PTPN14: variants seen among roughly 807,000 people sequenced by gnomAD.
The protein encoded by PTPN14 is protein tyrosine phosphatase non-receptor type 14.
In PTPN14, 53 loss-of-function variants were observed where a neutral mutation model predicts 126.8. The ratio of observed to expected loss-of-function variants is 0.42; its 90% CI spans 0.34 to 0.53. The LOEUF is 0.53. Ranked by LOEUF, PTPN14 falls within the 20% of genes least tolerant of loss-of-function variation. The pLI, the probability that PTPN14 is intolerant of heterozygous loss-of-function variation, is 0.08. For missense variants in PTPN14, 1,257 were observed against 1,552.9 expected (o/e 0.81, Z 3.20); for synonymous variants, 630 against 599.3 (o/e 1.05, Z -0.75).
chr1:214,390,352 C>T (rs1658720135), intron 11 of PTPN14, among the ~76,000 whole-genome samples: 1 of 152,192 alleles, frequency 6.6e-6, no homozygotes, highest in Non-Finnish European at 1.5e-5. Context: ...TCCTTATTCA[C>T]ATGATGAGGA....
chr1:214,382,390 T>A (rs978726651), intron 13 of PTPN14, among the ~76,000 whole-genome samples: 1 of 152,220 alleles, frequency 6.6e-6, no homozygotes, highest in African/African-American at 2.4e-5. Context: ...GGCAAAATCA[T>A]AGGTCACTAA....
At chr1:214,411,213 GT>G (rs1433381800) in intron 5 of PTPN14, among the ~76,000 whole-genome samples, 2 of 151,748 alleles carry the variant, frequency 1.3e-5, no homozygotes, top group Admixed American at 1.3e-4. Flanking sequence ...AAATGGGATT[GT>G]TTTCTGCCAA....
intron 1 of PTPN14, chr1:214,529,570 C>A (rs903801888): frequency 1.3e-5 from 2 of 152,190 alleles, no homozygotes; most frequent in Non-Finnish European, 2.9e-5. Flanking sequence ...TTATAAACAA[C>A]CTCTAACAAC....
intron 1 of PTPN14, among the ~76,000 whole-genome samples, chr1:214,523,847 A>ATTTTTT (rs1409694203): frequency 7.8e-6 from 1 of 128,252 alleles, no homozygotes; most frequent in East Asian, 2.7e-4. Context: ...GAGTAATCAG[A>ATTTTTT]TTCTTTTTTT....
chr1:214,473,184 G>A (rs748516386), intron 1 of PTPN14, among the ~76,000 whole-genome samples: 7 of 152,140 alleles, frequency 4.6e-5, no homozygotes, highest in Non-Finnish European at 1.0e-4. Context: ...AGCAAAGAAA[G>A]ACAGCTTTCT....
chr1:214,500,496 C>T (rs947115485), intron 1 of PTPN14, among the ~76,000 whole-genome samples: 3 of 152,174 alleles, frequency 2.0e-5, no homozygotes, highest in African/African-American at 7.2e-5. Flanking sequence ...CACCCTCCTC[C>T]TTCAACTTGG....
rs1224546316 is a variant in PTPN14 at position 214,387,511 on chromosome 1, C to CAAGAAAAA, written c.988-597_988-590dup. 3.3e-5 allele frequency among the ~76,000 whole-genome samples: 5 copies of CAAGAAAAA among 151,218 alleles called. No individual in the cohort carries two copies. The East Asian group carries it at 9.7e-4, about 29-fold the overall frequency. On this transcript the variant is annotated intron_variant, in intron 11 of 18. Transcript: ENST00000366956. ...GGGCAACAGATTGAGACTTCGTCTC[C>CAAGAAAAA]AAGAAAAAAAGAAAAAAATTATCTG...
chr1:214,351,798 G>GT lies in PTPN14; in HGVS notation c.*6123dup, dbSNP rs1163188194. ...CAGGCTTTCCCTAGCATGCCACTTG[G>GT]TGGTTTCCATCACTCTGACATTACA... On this transcript the variant is annotated 3_prime_UTR_variant, in exon 19 of 19. Coordinates refer to ENST00000366956, the MANE Select transcript of PTPN14 (RefSeq NM_005401.5). The GT allele has an allele frequency of 1.3e-5, 2 of 152,244 alleles. No individual in the cohort carries two copies. Among genetic ancestry groups the GT allele is most frequent in the East Asian group, 3.9e-4 (2 of 5,192 alleles). 9.4% of individuals were successfully genotyped at this position (152,244 alleles called of 1,614,324 possible).
intron 1 of PTPN14, among the ~76,000 whole-genome samples, chr1:214,502,985 A>T (rs2102433415): frequency 6.6e-6 from 1 of 152,306 alleles, no homozygotes; most frequent in South Asian, 2.1e-4. Flanking sequence ...ATATATTACC[A>T]GCCTAACTCT....
At chr1:214,490,945 AAAGAAAGAAAGG>A (rs1661228086) in intron 1 of PTPN14, among the ~76,000 whole-genome samples, 1 of 109,582 alleles carries the variant, frequency 9.1e-6, no homozygotes, top group Non-Finnish European at 2.1e-5. Context: ...GAAAGAAAGA[AAAGAAAGAAAGG>A]AAGGAAGGAA....
intron 6 of PTPN14, among the ~76,000 whole-genome samples, chr1:214,402,571 C>T (rs1251653293): frequency 1.3e-5 from 2 of 148,758 alleles, no homozygotes; most frequent in South Asian, 2.2e-4. Context: ...TACCACCCAA[C>T]ACAGCACTTT....
intron 1 of PTPN14, among the ~76,000 whole-genome samples, chr1:214,476,907 C>G (rs779938279): frequency 6.6e-6 from 1 of 152,132 alleles, no homozygotes; most frequent in Admixed American, 6.5e-5. Context: ...TGCTACTTCA[C>G]GGAATACTGC....
In PTPN14 at chr1:214,369,607, T is replaced by C. The variant is rs1450362997; in HGVS notation, c.3121A>G (p.Thr1041Ala). Residue 1041 changes from threonine (T) to alanine (A), a missense_variant, in exon 17 of 19, where the codon ACC becomes GCC. By Grantham distance (58) the Thr-to-Ala change is moderately conservative. Coordinates refer to ENST00000366956, the MANE Select transcript of PTPN14 (RefSeq NM_005401.5). Reference protein sequence around the residue: ...SSATYGKFKVTTKFRTDSVCY... With the variant: ...SSATYGKFKVATKFRTDSVCY... The stretch of plus-strand genomic sequence containing the variant: ...ACAGAATCCGTTCGAAACTTCGTGG[T>C]GACCTTGAACTTGCCATAGGTGGCT... The C allele has an allele frequency of 5.0e-6, 8 of 1,614,072 alleles. No individual in the cohort carries two copies. Among genetic ancestry groups the C allele is most frequent in the Non-Finnish European group, 6.8e-6 (8 of 1,180,052 alleles).
chr1:214,373,547 G>A (rs916873966), intron 15 of PTPN14, among the ~76,000 whole-genome samples: 1 of 136,574 alleles, frequency 7.3e-6, no homozygotes, highest in South Asian at 2.3e-4. Flanking sequence ...TTTTCTAGTC[G>A]ATTTCATTGA....
intron 3 of PTPN14, among the ~76,000 whole-genome samples, chr1:214,441,204 T>C (rs985851214): frequency 2.0e-5 from 3 of 152,236 alleles, no homozygotes; most frequent in Non-Finnish European, 4.4e-5. Context: ...TATAGAGTTC[T>C]AGTGAAGACT....
At chr1:214,468,587 CACAT>C (rs1312304527) in intron 1 of PTPN14, among the ~76,000 whole-genome samples, 1 of 150,924 alleles carries the variant, frequency 6.6e-6, no homozygotes, top group East Asian at 1.9e-4. Context: ...GAAAAACCAA[CACAT>C]ACACCATACA....
In PTPN14 at chr1:214,369,532, C is replaced by T; in HGVS notation, c.3196G>A (p.Glu1066Lys). ...LKVKHLLSGQERTVWHLQYTD... is the reference protein window; with the variant it reads ...LKVKHLLSGQKRTVWHLQYTD... ...TATTGTAAATGCCACACCGTCCTTT[C>T]TTGCCCAGACAAAAGGTGCTTGACC... is the stretch of plus-strand genomic sequence containing the variant. Residue 1066 changes from glutamate to lysine, a missense_variant, in exon 17 of 19, where the codon GAA (glutamate) becomes AAA (lysine). Physicochemically the swap from Glu to Lys is moderately conservative, Grantham distance 56. This residue lies in a region of PTPN14 where 171 missense variants were observed against 229.8 expected (regional missense o/e 0.74). Coordinates refer to ENST00000366956, the MANE Select transcript of PTPN14 (RefSeq NM_005401.5). 6.2e-7 allele frequency: 1 copy of T among 1,614,202 alleles called. No homozygotes were observed. The highest frequency in any genetic ancestry group is 8.5e-7 in the Non-Finnish European group (1 of 1,180,038).
intron 1 of PTPN14, among the ~76,000 whole-genome samples, chr1:214,491,318 G>A (rs546975441): frequency 2.6e-5 from 4 of 152,234 alleles, no homozygotes; most frequent in East Asian, 1.9e-4. Context: ...TATCTACAGC[G>A]GCTGTGGGCT....
chr1:214,464,928 C>T lies in PTPN14; in HGVS notation c.-125G>A, dbSNP rs1660596769. ...CTCCTCCAGGCAGGGAAAAGGGTGT[C>T]CATGCCCAGTGTGGCCCTCTGGAAG... is the stretch of plus-strand genomic sequence containing the variant. On this transcript the variant is annotated 5_prime_UTR_variant, in exon 2 of 19. Transcript: ENST00000366956. The T allele has an allele frequency of 4.1e-6, 5 of 1,223,504 alleles. No individual in the cohort carries two copies. Among genetic ancestry groups the T allele is most frequent in the Middle Eastern group, 2.3e-4 (1 of 4,272 alleles). 75.8% of individuals were successfully genotyped at this position (1,223,504 alleles called of 1,614,324 possible).
Sources: allele counts gnomAD v4.1 joint callset (sites outside exome capture counted in the v4.1 genomes callset), GRCh38; gene constraint gnomAD v4.1.1; regional missense constraint gnomAD v4.1.1; transcripts MANE v1.5; gene names NCBI Gene and HGNC (gene_info 2026-07-23, HGNC 2026-07-21).